The following CCDC83 variants were observed in gnomAD, a reference collection of about 807,000 sequenced individuals.
CCDC83 encodes coiled-coil domain containing 83.
In CCDC83, 54 loss-of-function variants were observed where a neutral mutation model predicts 50.1. That is an observed-to-expected ratio of 1.08 (90% CI 0.87 to 1.35). The LOEUF is 1.35. CCDC83 is among the 40% of genes most tolerant of loss of function. CCDC83 has a pLI of 0.00. For missense variants in CCDC83, 518 were observed against 473.9 expected (o/e 1.09, Z -0.86); for synonymous variants, 161 against 153.3 (o/e 1.05, Z -0.37).
At chr11:85,864,741 A>G (rs990269328) in intron 1 of CCDC83, among the ~76,000 whole-genome samples, 2 of 152,196 alleles carry the variant, frequency 1.3e-5, no homozygotes, top group African/African-American at 4.8e-5. Flanking sequence ...CATTTAATTA[A>G]TGTCTCTCTG....
At chr11:85,866,580 G>T (rs956079464) in intron 2 of CCDC83, among the ~76,000 whole-genome samples, 3 of 151,928 alleles carry the variant, frequency 2.0e-5, no homozygotes, top group Admixed American at 6.6e-5. Flanking sequence ...CTGAGCCCAG[G>T]GAGGTCAAGG....
At chr11:85,917,228 A>AAG (rs545223648) in intron 10 of CCDC83, among the ~76,000 whole-genome samples, 1 of 149,208 alleles carries the variant, frequency 6.7e-6, no homozygotes, top group African/African-American at 2.5e-5. Flanking sequence ...GAAAGAAAGA[A>AAG]AGAAAAGAAA....
chr11:85,890,183 T>C (rs1270959290), intron 5 of CCDC83, among the ~76,000 whole-genome samples: 1 of 152,224 alleles, frequency 6.6e-6, no homozygotes, highest in Non-Finnish European at 1.5e-5. Flanking sequence ...GTCTAGTTTA[T>C]GACTCATCCC....
In CCDC83 at chr11:85,856,241, T is replaced by C. The variant is rs111855840; in HGVS notation, c.-29+657T>C. On this transcript the variant is annotated intron_variant, in intron 1 of 10. Transcript: ENST00000342404. ...TTCCTGTGATGACAGAGGGGAAAAATAATGACTGGGTATTTATCAGTCTAT... is the reference window on the plus strand; with the variant it reads ...TTCCTGTGATGACAGAGGGGAAAAACAATGACTGGGTATTTATCAGTCTAT... Among the ~76,000 whole-genome samples the C allele has an allele frequency of 2.4e-3, 267 of 109,984 alleles. 2 individuals carry two copies. Among genetic ancestry groups the C allele is most frequent in the African/African-American group, 8.9e-3 (256 of 28,824 alleles). The allele number at this position is 109,984 out of a possible 152,430, so 72.2% of individuals were successfully genotyped here.
rs925277550 is a variant in CCDC83, at chr11:85,882,581, G to T, written c.249G>T (p.Lys83Asn). ...TACTAAAGGAACTGAGTGAAGAGAA[G>T]GCAGAGGGATTGCCAGTTGTAACAA... ...RHLLKELSEE[K>N]AEGLPVVTRE... The change falls in exon 4 of 11, where the codon AAG becomes AAT. Residue 83 changes from lysine (K) to asparagine (N), a missense_variant. Physicochemically the swap from Lys to Asn is moderately conservative, Grantham distance 94. Transcript: ENST00000342404. 1.5e-5 allele frequency: 25 copies of T among 1,613,896 alleles called. No homozygotes were observed. The highest frequency in any genetic ancestry group is 1.2e-4 in the Admixed American group (7 of 59,988).
At chr11:85,900,337 C>G (rs1175735521) in intron 7 of CCDC83, among the ~76,000 whole-genome samples, 4 of 152,180 alleles carry the variant, frequency 2.6e-5, no homozygotes, top group African/African-American at 9.6e-5. Flanking sequence ...AACAAATTAT[C>G]AGATAAAGGC....
At chr11:85,897,074 C>T (rs1003049185) in intron 6 of CCDC83, among the ~76,000 whole-genome samples, 1 of 152,236 alleles carries the variant, frequency 6.6e-6, no homozygotes, top group African/African-American at 2.4e-5. Flanking sequence ...GTGAATCTGA[C>T]TCACTCACAT....
At chr11:85,907,267 C>CT (rs1448318924) in intron 7 of CCDC83, among the ~76,000 whole-genome samples, 2 of 151,916 alleles carry the variant, frequency 1.3e-5, no homozygotes, top group African/African-American at 2.4e-5. Flanking sequence ...TAACTATTTT[C>CT]TTTTTTTCAT....
intron 2 of CCDC83, among the ~76,000 whole-genome samples, chr11:85,865,491 A>C (rs150999205): frequency 0.011 from 1,722 of 152,306 alleles, 14 homozygotes; most frequent in Middle Eastern, 0.031. Context: ...TTGATGTACT[A>C]TTGGCTCCTT....
intron 6 of CCDC83, 65 bp from the exon 7 acceptor site, chr11:85,898,882 C>A: frequency 9.6e-7 from 1 of 1,036,620 alleles, no homozygotes; most frequent in Non-Finnish European, 1.5e-6. Context: ...AACTGCACAT[C>A]ACTATTGCTA....
chr11:85,896,674 T>A (rs2093377265), intron 6 of CCDC83, among the ~76,000 whole-genome samples: 1 of 152,144 alleles, frequency 6.6e-6, no homozygotes, highest in Admixed American at 6.5e-5. Flanking sequence ...TGCTGGCACT[T>A]TAAAAATCTG....
intron 3 of CCDC83, among the ~76,000 whole-genome samples, chr11:85,875,796 C>A (rs982434451): frequency 5.3e-5 from 8 of 152,200 alleles, no homozygotes; most frequent in African/African-American, 1.9e-4. Context: ...TCCTACACAT[C>A]ATCTCTTCCT....
At chr11:85,910,656 A>T (rs1275783677) in intron 7 of CCDC83, among the ~76,000 whole-genome samples, 3 of 152,172 alleles carry the variant, frequency 2.0e-5, no homozygotes, top group Non-Finnish European at 4.4e-5. Context: ...TCTGACTTAT[A>T]CCTAAGTTCA....
Position 85,911,403 on chromosome 11 carries a change from G to T in CCDC83, c.794+1G>T. The T allele has an allele frequency of 6.3e-7, 1 of 1,581,288 alleles. No individual in the cohort carries two copies. Among genetic ancestry groups the T allele is most frequent in the South Asian group, 1.2e-5 (1 of 84,688 alleles). On this transcript the variant is annotated splice_donor_variant, in intron 8 of 10. Transcript: ENST00000342404. LOFTEE classifies it high-confidence loss of function. ...GACTTGTGGATCTCAAGATACCCAG[G>T]TGAAAATTGTTAATATATAGAGAGT...
At chr11:85,860,013 G>T (rs777586442) in intron 1 of CCDC83, among the ~76,000 whole-genome samples, 20 of 152,182 alleles carry the variant, frequency 1.3e-4, no homozygotes, top group Non-Finnish European at 2.2e-4. Context: ...GACAGGCTGG[G>T]TGTGGTGGCT....
chr11:85,859,645 C>T (rs778209034), intron 1 of CCDC83, among the ~76,000 whole-genome samples: 4 of 152,156 alleles, frequency 2.6e-5, no homozygotes, highest in African/African-American at 7.2e-5. Context: ...TGGACCCCTT[C>T]CTTTTACCAC....
intron 6 of CCDC83, among the ~76,000 whole-genome samples, chr11:85,896,193 A>G (rs1280833573): frequency 6.6e-6 from 1 of 152,030 alleles, no homozygotes; most frequent in Non-Finnish European, 1.5e-5. Flanking sequence ...TTGAGAGGCC[A>G]AGGCGGGTGG....
At chr11:85,895,512 G>T in intron 6 of CCDC83, 128 bp downstream of exon 6, 1 of 580,784 alleles carries the variant, frequency 1.7e-6, no homozygotes, top group South Asian at 2.3e-5. Context: ...CTGTAATAAT[G>T]GCTGTAACAT....
intron 1 of CCDC83, among the ~76,000 whole-genome samples, chr11:85,858,398 C>T (rs533447689): frequency 4.6e-5 from 7 of 152,326 alleles, no homozygotes; most frequent in South Asian, 4.1e-4. Context: ...ACCTGCCCTT[C>T]GCCTTCCAAC....
Sources: gnomAD v4.1 joint callset for allele counts (sites outside exome capture counted in the v4.1 genomes callset) on GRCh38, gnomAD v4.1.1 for gene constraint, MANE v1.5 for transcripts, NCBI Gene and HGNC (gene_info 2026-07-23, HGNC 2026-07-21) for gene names.